Variants in EYS observed in about 807,000 individuals in gnomAD.
The protein encoded by EYS is protein eyes shut homolog.
EYS carries 250 observed loss-of-function variants against 282.1 expected under a neutral mutation model. The ratio of observed to expected loss-of-function variants is 0.89; its 90% CI spans 0.80 to 0.98. The LOEUF is 0.98. Ranked by LOEUF, EYS falls within the 50% of genes least tolerant of loss-of-function variation. EYS has a pLI of 0.00. For synonymous variants in EYS, 1,355 were observed against 1,282.9 expected, an observed-to-expected ratio of 1.06 and a Z score of -1.20; for missense variants, 4,016 against 3,709.0, an observed-to-expected ratio of 1.08 and a Z score of -2.15.
chr6:64,650,912 A>G (rs970169193), intron 22 of EYS, among the ~76,000 whole-genome samples: 8 of 152,098 alleles, frequency 5.3e-5, no homozygotes, highest in African/African-American at 1.9e-4. Flanking sequence ...ATATATTAAA[A>G]ATAATAAAAT....
chr6:65,087,978 G>A (rs1774436004), intron 12 of EYS, among the ~76,000 whole-genome samples: 1 of 152,042 alleles, frequency 6.6e-6, no homozygotes, highest in East Asian at 1.9e-4. Context: ...GAGATCTGAT[G>A]GTTTTATAAG....
chr6:64,499,274 A>C (rs1776971994), intron 26 of EYS, among the ~76,000 whole-genome samples: 1 of 152,148 alleles, frequency 6.6e-6, no homozygotes, highest in African/African-American at 2.4e-5. Context: ...CCTCCCACCA[A>C]ATCTGCTCTC....
chr6:63,880,483 GTCTGTATCTATCTATCTATCTATC>G (rs1773101217), intron 35 of EYS, among the ~76,000 whole-genome samples: 1 of 120,302 alleles, frequency 8.3e-6, no homozygotes, highest in Non-Finnish European at 1.9e-5. Flanking sequence ...CTGTCTGTCT[GTCTGTATCTATCTATCTATCTATC>G]TATCTATCTA....
At chr6:65,272,192 T>C (rs917258847) in intron 12 of EYS, among the ~76,000 whole-genome samples, 2 of 152,216 alleles carry the variant, frequency 1.3e-5, no homozygotes, top group Non-Finnish European at 2.9e-5. Context: ...AGATCTTTGC[T>C]TCTTATAAGT....
Position 65,651,534 on chromosome 6 carries a change from T to G in EYS, c.-447-11642A>C, listed in dbSNP as rs144141925. 2.1e-3 allele frequency among the ~76,000 whole-genome samples: 322 copies of G among 152,172 alleles called. 1 individual carries two copies. Among genetic ancestry groups the G allele is most frequent in the African/African-American group, 7.5e-3 (310 of 41,562 alleles). ...ATGATATCTTCATGTATATCTCCTA[T>G]AAATATTTCAAACTTAAATTTTTAA... On this transcript the variant is annotated intron_variant, in intron 1 of 42. Transcript: ENST00000503581.
chr6:63,840,918 C>A (rs756802201), intron 36 of EYS, among the ~76,000 whole-genome samples: 7 of 152,036 alleles, frequency 4.6e-5, no homozygotes, highest in Admixed American at 2.6e-4. Flanking sequence ...TATGCTAGTA[C>A]CTTGCTGTTT....
intron 26 of EYS, among the ~76,000 whole-genome samples, chr6:64,528,689 T>G (rs1008042891): frequency 1.3e-5 from 2 of 151,990 alleles, no homozygotes; most frequent in Non-Finnish European, 2.9e-5. Context: ...CTCAGCCACC[T>G]TAATCAGCCC....
chr6:64,424,352 T>C (rs2150454504), intron 28 of EYS, among the ~76,000 whole-genome samples: 1 of 152,312 alleles, frequency 6.6e-6, no homozygotes, highest in African/African-American at 2.4e-5. Flanking sequence ...CACTGATATT[T>C]TATTATCAAT....
chr6:64,069,435 T>G (rs1206312144), intron 32 of EYS, among the ~76,000 whole-genome samples: 3 of 152,044 alleles, frequency 2.0e-5, no homozygotes, highest in African/African-American at 7.2e-5. Flanking sequence ...AGTATATGTA[T>G]GTATATACAT....
intron 26 of EYS, among the ~76,000 whole-genome samples, chr6:64,567,918 T>C (rs2149815543): frequency 6.6e-6 from 1 of 152,284 alleles, no homozygotes; most frequent in South Asian, 2.1e-4. Context: ...AGACTAGAAA[T>C]GACAGTGAAC....
At chr6:65,158,976 G>A (rs1264796971) in intron 12 of EYS, among the ~76,000 whole-genome samples, 1 of 150,704 alleles carries the variant, frequency 6.6e-6, no homozygotes. Flanking sequence ...TGCACTGAGA[G>A]GGTTTTTTTA....
chr6:63,978,130 C>T (rs1205111171), intron 35 of EYS, among the ~76,000 whole-genome samples: 1 of 151,998 alleles, frequency 6.6e-6, no homozygotes, highest in Non-Finnish European at 1.5e-5. Flanking sequence ...TCTTTTGATA[C>T]TCACACCCTA....
At chr6:63,950,767 C>T (rs1236318277) in intron 35 of EYS, among the ~76,000 whole-genome samples, 1 of 152,140 alleles carries the variant, frequency 6.6e-6, no homozygotes, top group Non-Finnish European at 1.5e-5. Flanking sequence ...ACTCTCTTCT[C>T]CAACCTCTCT....
At chr6:65,044,571 A>G (rs1773043198) in intron 13 of EYS, among the ~76,000 whole-genome samples, 1 of 151,854 alleles carries the variant, frequency 6.6e-6, no homozygotes, top group Non-Finnish European at 1.5e-5. Context: ...TCGTGCTGAT[A>G]TGTTGCATTG....
At chr6:64,726,836 A>C (rs551344268) in intron 22 of EYS, among the ~76,000 whole-genome samples, 34 of 152,220 alleles carry the variant, frequency 2.2e-4, no homozygotes, top group African/African-American at 7.5e-4. Flanking sequence ...AGGGCTCCAT[A>C]GAAACATAAT....
intron 41 of EYS, chr6:63,744,709 G>A (rs1042612067): frequency 1.3e-5 from 2 of 159,854 alleles, no homozygotes; most frequent in Non-Finnish European, 2.7e-5. Context: ...CTGGGATTAC[G>A]GGCGCCCACC....
chr6:65,071,768 T>C (rs1308318183), intron 12 of EYS, among the ~76,000 whole-genome samples: 4 of 151,784 alleles, frequency 2.6e-5, no homozygotes, highest in Admixed American at 2.0e-4. Context: ...AACAGCAGCA[T>C]GATTGAATGT....
intron 31 of EYS, among the ~76,000 whole-genome samples, chr6:64,139,311 C>T (rs1774261698): frequency 6.6e-6 from 1 of 151,894 alleles, no homozygotes; most frequent in Admixed American, 6.6e-5. Flanking sequence ...GGGAGTGTAT[C>T]CTGAACTAAG....
intron 5 of EYS, among the ~76,000 whole-genome samples, chr6:65,413,185 C>T (rs534096394): frequency 6.6e-6 from 1 of 152,130 alleles, no homozygotes; most frequent in South Asian, 2.1e-4. Flanking sequence ...AGATATCAGA[C>T]TTTTTCTTAT....
Sources: gnomAD v4.1 joint callset for allele counts (sites outside exome capture counted in the v4.1 genomes callset) on GRCh38, gnomAD v4.1.1 for gene constraint, MANE v1.5 for transcripts, NCBI Gene and HGNC (gene_info 2026-07-23, HGNC 2026-07-21) for gene names.